PCDHA4: variants seen among roughly 807,000 people sequenced by gnomAD.
PCDHA4 encodes protocadherin alpha-4.
In PCDHA4, 49 loss-of-function variants were observed where a neutral mutation model predicts 61.4. The observed-to-expected ratio is 0.80, with a 90% confidence interval of 0.63 to 1.01. The LOEUF (loss-of-function observed/expected upper bound fraction) is 1.01. Among genes scored for constraint, PCDHA4 ranks in the 50% least tolerant of loss-of-function variants. The probability of loss-of-function intolerance (pLI) is 0.00; values close to 1 mark genes in which losing one functional copy is unlikely to be tolerated. For synonymous variants in PCDHA4, 590 were observed against 550.3 expected (o/e 1.07, Z -1.01); for missense variants, 1,254 against 1,235.8 (o/e 1.01, Z -0.22).
At chr5:140,856,666 G>A (rs782273873) in intron 1 of PCDHA4, 1 of 1,598,010 alleles carries the variant, frequency 6.3e-7, no homozygotes, top group Admixed American at 1.7e-5. Flanking sequence ...AAAATCCTCA[G>A]CTAAAGTTGT....
intron 1 of PCDHA4, among the ~76,000 whole-genome samples, chr5:140,947,807 G>T (rs542859945): frequency 3.6e-4 from 55 of 151,694 alleles, no homozygotes; most frequent in Non-Finnish European, 7.1e-4. Context: ...AATTTGCAGA[G>T]ACTATTTCTT....
chr5:140,918,621 T>C (rs1162983414), intron 1 of PCDHA4, among the ~76,000 whole-genome samples: 1 of 152,228 alleles, frequency 6.6e-6, no homozygotes, highest in Non-Finnish European at 1.5e-5. Flanking sequence ...AATGTTTGTG[T>C]TCCCCAAATT....
intron 1 of PCDHA4, among the ~76,000 whole-genome samples, chr5:140,909,491 A>T (rs1031839388): frequency 1.3e-5 from 2 of 152,218 alleles, no homozygotes; most frequent in Non-Finnish European, 2.9e-5. Flanking sequence ...GGAGAGCTGA[A>T]CGGGGATGTG....
chr5:140,852,582 A>AT (rs2150518947), intron 1 of PCDHA4: 69,093 of 668,182 alleles, frequency 0.1, 1,214 homozygotes, highest in Non-Finnish European at 0.11. Flanking sequence ...AGGCTTTTTT[A>AT]TTTTTTTTTT....
chr5:140,851,287 C>T, intron 1 of PCDHA4: 1 of 1,037,890 alleles, frequency 9.6e-7, no homozygotes, highest in Non-Finnish European at 1.2e-6. Flanking sequence ...ATAAGAAACC[C>T]AAGCAAAAAT....
chr5:140,833,761 C>CAG (rs1772632017), intron 1 of PCDHA4, among the ~76,000 whole-genome samples: 1 of 151,960 alleles, frequency 6.6e-6, no homozygotes, highest in South Asian at 2.1e-4. Flanking sequence ...AACACACACA[C>CAG]ACACACCGCT....
At chr5:140,940,564 T>G (rs1481591678) in intron 1 of PCDHA4, among the ~76,000 whole-genome samples, 2 of 152,228 alleles carry the variant, frequency 1.3e-5, no homozygotes, top group African/African-American at 4.8e-5. Flanking sequence ...TTCTCCTACC[T>G]TGGCTCCCAA....
Position 140,987,904 on chromosome 5 carries a change from G to T in PCDHA4, c.2533+5341G>T, listed in dbSNP as rs115515462. 1.9e-3 allele frequency among the ~76,000 whole-genome samples: 290 copies of T among 151,852 alleles called. 1 individual carries two copies. The highest frequency in any genetic ancestry group is 7.0e-3 in the African/African-American group (288 of 41,412). On this transcript the variant is annotated intron_variant, in intron 3 of 3. Transcript: ENST00000530339. ...GTTTATGTGCCCTAGTTTTATATGG[G>T]GATTTATATTCTTAATTGTCTCAAG...
In PCDHA4 at chr5:140,808,556, C is replaced by T. The variant is rs1379449486; in HGVS notation, c.1369C>T (p.Gln457Ter). The change falls in exon 1 of 4, where the codon CAG becomes TAG. Residue 457 changes from glutamine (Q) to a stop codon, truncating the protein, a stop_gained. Transcript: ENST00000530339. LOFTEE classifies it high-confidence loss of function. ...DVNDNAPAFA[Q>*]PEYTVFVKEN... The stretch of plus-strand genomic sequence containing the variant: ...GAACGACAACGCTCCGGCGTTCGCG[C>T]AGCCCGAGTACACAGTGTTCGTGAA... 5 of 1,614,012 alleles carry T rather than the reference C, an allele frequency of 3.1e-6. No homozygotes were observed. Among genetic ancestry groups the T allele is most frequent in the Non-Finnish European group, 4.2e-6 (5 of 1,180,032 alleles).
At chr5:140,849,149 C>T (rs1423345877) in intron 1 of PCDHA4, 1 of 1,253,130 alleles carries the variant, frequency 8.0e-7, no homozygotes, top group African/African-American at 1.8e-5. Context: ...CCGATGGAGG[C>T]AAACCCGAGC....
intron 1 of PCDHA4, among the ~76,000 whole-genome samples, chr5:140,935,338 T>C (rs2090317634): frequency 1.3e-5 from 2 of 152,364 alleles, no homozygotes; most frequent in African/African-American, 4.8e-5. Context: ...ATTTCTCCCA[T>C]ACGTCAAATC....
intron 1 of PCDHA4, among the ~76,000 whole-genome samples, chr5:140,893,884 G>T (rs189719076): frequency 6.6e-6 from 1 of 152,296 alleles, no homozygotes; most frequent in Non-Finnish European, 1.5e-5. Flanking sequence ...AAAGTGGCCA[G>T]AAAGTTACTT....
rs782755765 is a variant in PCDHA4, at chr5:140,869,235, C to T, written c.2385+59663C>T. On this transcript the variant is annotated intron_variant, in intron 1 of 3. Coordinates refer to ENST00000530339, the MANE Select transcript of PCDHA4 (RefSeq NM_018907.4). ...CGGAGGAGGCCAAACACGGCACCTT[C>T]GTGGGCCGCATCGCGCAGGACCTGG... is the stretch of plus-strand genomic sequence containing the variant. 1.2e-5 allele frequency: 19 copies of T among 1,613,568 alleles called. No homozygotes were observed. The South Asian group carries it at 1.5e-4, about 13-fold the overall frequency.
intron 1 of PCDHA4, chr5:140,830,021 C>T (rs782587732): frequency 1.9e-6 from 3 of 1,613,800 alleles, no homozygotes; most frequent in African/African-American, 2.7e-5. Context: ...GGACTCTCCG[C>T]GCCACCGGCT....
intron 1 of PCDHA4, chr5:140,927,132 G>C: frequency 6.2e-7 from 1 of 1,614,052 alleles, no homozygotes; most frequent in Non-Finnish European, 8.5e-7. Context: ...TCAGAGAGCC[G>C]GCGGACCGCG....
At chr5:140,962,930 C>A (rs2095720492) in intron 1 of PCDHA4, among the ~76,000 whole-genome samples, 1 of 152,144 alleles carries the variant, frequency 6.6e-6, no homozygotes, top group South Asian at 2.1e-4. Flanking sequence ...TACTTCTCAA[C>A]CTCCTCTCCA....
chr5:140,861,061 A>G (rs1278905276), intron 1 of PCDHA4: 1 of 152,226 alleles, frequency 6.6e-6, no homozygotes, highest in Admixed American at 6.5e-5. Context: ...AGAAAATCAG[A>G]TTATTCCTAG....
At chr5:140,836,236 C>G (rs2150256110) in intron 1 of PCDHA4, 11 of 1,613,794 alleles carry the variant, frequency 6.8e-6, no homozygotes, top group Middle Eastern at 1.6e-4. Context: ...GCGGCCGGTG[C>G]GAGCATCCCG....
At chr5:140,976,832 A>G (rs246001) in intron 1 of PCDHA4, among the ~76,000 whole-genome samples, 14,161 of 152,268 alleles carry the variant, frequency 0.093, 806 homozygotes, top group Middle Eastern at 0.22. Context: ...AATGAGCAAA[A>G]CAGATATAAT....
Sources: allele counts gnomAD v4.1 joint callset (sites outside exome capture counted in the v4.1 genomes callset), GRCh38; gene constraint gnomAD v4.1.1; transcripts MANE v1.5; gene names NCBI Gene and HGNC (gene_info 2026-07-23, HGNC 2026-07-21).